Variants in CRYZ observed in about 807,000 individuals in gnomAD.
The protein encoded by CRYZ is zeta-crystallin.
Under a neutral mutation model 34.1 loss-of-function variants are expected in CRYZ, and 35 were observed. The observed-to-expected ratio is 1.03, with a 90% CI of 0.78 to 1.36. The LOEUF (loss-of-function observed/expected upper bound fraction) is 1.36. CRYZ is among the 40% of genes most tolerant of loss of function. CRYZ has a pLI of 0.00. For synonymous variants in CRYZ, 137 were observed against 136.5 expected (o/e 1.00, Z -0.03); for missense variants, 403 against 391.8 (o/e 1.03, Z -0.24).
At position 74,719,316 on chromosome 1, in the gene CRYZ, A is replaced by G; in HGVS notation, c.321T>C (p.Ala107=). The change falls in exon 4 of 9, where the codon GCT becomes GCC. Residue 107 remains alanine, a synonymous_variant. Coordinates refer to ENST00000340866, the MANE Select transcript of CRYZ (RefSeq NM_001889.4). The stretch of plus-strand genomic sequence containing the variant: ...TGTAAACAGTGTGGTCTGCTGCAAG[A>G]GCATACTCTGCATAACCCCCAGAGA... ...STISGGYAEY[A]LAADHTVYKL... The G allele has an allele frequency of 6.2e-7, 1 of 1,613,850 alleles. No individual in the cohort carries two copies. The highest frequency in any genetic ancestry group is 8.5e-7 in the Non-Finnish European group (1 of 1,179,768).
chr1:74,718,907 T>A (rs1032491316), intron 4 of CRYZ, among the ~76,000 whole-genome samples: 2 of 152,084 alleles, frequency 1.3e-5, no homozygotes, highest in Admixed American at 1.3e-4. Context: ...GCCTTCTGAG[T>A]CTATATATCC....
At chr1:74,727,642 C>CT (rs1647438219) in intron 1 of CRYZ, among the ~76,000 whole-genome samples, 1 of 52,194 alleles carries the variant, frequency 1.9e-5, no homozygotes. Context: ...GAGACTCTGT[C>CT]TCAAAAAAAA....
At chr1:74,726,747 T>G (rs1318590118) in intron 1 of CRYZ, among the ~76,000 whole-genome samples, 1 of 152,212 alleles carries the variant, frequency 6.6e-6, no homozygotes, top group African/African-American at 2.4e-5. Context: ...TCTGCTTTCC[T>G]TTTAAACATA....
intron 1 of CRYZ, among the ~76,000 whole-genome samples, chr1:74,731,154 T>C (rs1259736938): frequency 6.6e-6 from 1 of 152,208 alleles, no homozygotes; most frequent in Non-Finnish European, 1.5e-5. Flanking sequence ...CTCTGAAAGG[T>C]TGCCAATATG....
chr1:74,717,623 G>A (rs1647095850), intron 4 of CRYZ, among the ~76,000 whole-genome samples: 1 of 152,158 alleles, frequency 6.6e-6, no homozygotes, highest in Admixed American at 6.6e-5. Context: ...CTAGCAGGTA[G>A]GTGCTGTCAT....
In CRYZ at chr1:74,719,378, G is replaced by T. The variant is rs1647124053; in HGVS notation, c.265-6C>A. On this transcript the variant is annotated splice_region_variant and splice_polypyrimidine_tract_variant and intron_variant, in intron 3 of 8. Coordinates refer to ENST00000340866, the MANE Select transcript of CRYZ (RefSeq NM_001889.4). The stretch of plus-strand genomic sequence containing the variant: ...GTGAAAACTCTGTCACCTTTCTAGG[G>T]GAAGAGATAAATGAATAAATGCAGG... The T allele has an allele frequency of 6.2e-7, 1 of 1,603,610 alleles. No homozygotes were observed. The highest frequency in any genetic ancestry group is 1.3e-5 in the African/African-American group (1 of 74,620).
At chr1:74,724,958 C>T in intron 1 of CRYZ, 124 bp from the exon 2 acceptor site, 1 of 575,544 alleles carries the variant, frequency 1.7e-6, no homozygotes, top group Non-Finnish European at 3.1e-6. Flanking sequence ...GAGCTTACCA[C>T]TGATCTCATT....
rs1647940494 is a variant in CRYZ, at chr1:74,733,050, C to G, written c.-108G>C. The G allele has an allele frequency of 1.5e-5, 11 of 736,642 alleles. No individual in the cohort carries two copies. In the East Asian group the frequency reaches 3.1e-4, roughly 21 times the overall value. 45.6% of individuals were successfully genotyped at this position (736,642 alleles called of 1,614,324 possible). ...CCTTCTCCAACTTTTGCAGGCTCCA[C>G]CCAGGATGTGCGCCTCGCTCCACCC... is the stretch of plus-strand genomic sequence containing the variant. On this transcript the variant is annotated 5_prime_UTR_variant, in exon 1 of 9. Coordinates refer to ENST00000340866, the MANE Select transcript of CRYZ (RefSeq NM_001889.4).
chr1:74,726,500 G>A (rs371338599), intron 1 of CRYZ, among the ~76,000 whole-genome samples: 29 of 152,260 alleles, frequency 1.9e-4, no homozygotes, highest in African/African-American at 7.0e-4. Context: ...GAGGCCCTGG[G>A]CCCGGCCCAG....
At position 74,723,065 on chromosome 1, in the gene CRYZ, A is replaced by G. The variant is rs1442073953; in HGVS notation, c.264+53T>C. On this transcript the variant is annotated intron_variant, in intron 3 of 8. Coordinates refer to ENST00000340866, the MANE Select transcript of CRYZ (RefSeq NM_001889.4). ...AGATGCAGTTGAAAGCTATGTTCAA[A>G]TATTTTTATGAAATAAATTCAGCCA... 6 of 1,563,388 alleles carry G rather than the reference A, an allele frequency of 3.8e-6. No individual in the cohort carries two copies. The Admixed American group carries it at 8.9e-5, about 23-fold the overall frequency.
At chr1:74,721,030 C>A (rs1002809177) in intron 3 of CRYZ, among the ~76,000 whole-genome samples, 3 of 151,996 alleles carry the variant, frequency 2.0e-5, no homozygotes, top group Non-Finnish European at 2.9e-5. Flanking sequence ...TCTTGAAGAA[C>A]AGGACAAGAT....
chr1:74,708,941 G>A (rs969219721), intron 6 of CRYZ: 2 of 152,084 alleles, frequency 1.3e-5, no homozygotes, highest in African/African-American at 4.8e-5. Flanking sequence ...AAAGAAATGT[G>A]GTCAGGGTCA....
Position 74,706,150 on chromosome 1 carries a change from T to A in CRYZ, c.*146A>T, listed in dbSNP as rs1322688103. The A allele has an allele frequency of 1.6e-6, 1 of 632,034 alleles. No individual in the cohort carries two copies. The highest frequency in any genetic ancestry group is 2.6e-6 in the Non-Finnish European group (1 of 390,670). The allele number at this position is 632,034 out of a possible 1,614,324, so 39.2% of individuals were successfully genotyped here. On this transcript the variant is annotated 3_prime_UTR_variant, in exon 9 of 9. Coordinates refer to ENST00000340866, the MANE Select transcript of CRYZ (RefSeq NM_001889.4). ...AGCTATACAATAAATTTTACTCTTCTGCTTCTGCTCTCTAAAGAAAAATCT... is the reference window on the plus strand; with the variant it reads ...AGCTATACAATAAATTTTACTCTTCAGCTTCTGCTCTCTAAAGAAAAATCT...
chr1:74,728,943 G>C (rs1187694662), intron 1 of CRYZ, among the ~76,000 whole-genome samples: 1 of 152,056 alleles, frequency 6.6e-6, no homozygotes, highest in Admixed American at 6.5e-5. Context: ...TCTGTCAGAG[G>C]GCAGGGCTGG....
At chr1:74,718,289 C>T (rs925070869) in intron 4 of CRYZ, among the ~76,000 whole-genome samples, 4 of 152,070 alleles carry the variant, frequency 2.6e-5, no homozygotes, top group Admixed American at 2.0e-4. Flanking sequence ...CTAGTGGAGA[C>T]TCCTATAAGA....
intron 2 of CRYZ, 102 bp downstream of exon 2, chr1:74,724,609 A>G (rs1647241354): frequency 1.4e-6 from 1 of 727,068 alleles, no homozygotes; most frequent in Non-Finnish European, 2.3e-6. Flanking sequence ...TCCTAATTCA[A>G]TGTTTTTAAA....
chr1:74,732,606 G>T lies in CRYZ; in HGVS notation c.-14+350C>A, dbSNP rs1329369366. Among the ~76,000 whole-genome samples, 25 of 80,806 alleles carry T rather than the reference G, an allele frequency of 3.1e-4. 1 individual carries two copies. Among genetic ancestry groups the T allele is most frequent in the African/African-American group, 1.2e-3 (23 of 18,652 alleles). 53.0% of individuals were successfully genotyped at this position (80,806 alleles called of 152,430 possible). A position where few individuals can be genotyped will look rare whatever the true frequency, so the allele number is the denominator to read the frequency against. On this transcript the variant is annotated intron_variant, in intron 1 of 8. Transcript: ENST00000340866. ...TCAAGCGGGTGACTGGCGGGGGGGG[G>T]GGGGGGGGGTGCAGCGTGGGGCTGG...
intron 3 of CRYZ, 36 bp downstream of exon 3, chr1:74,723,082 A>G (rs1450663910): frequency 1.3e-6 from 2 of 1,594,044 alleles, no homozygotes; most frequent in Admixed American, 3.6e-5. Context: ...TATGAAATAA[A>G]TTCAGCCAAA....
At chr1:74,718,453 G>A (rs1647106207) in intron 4 of CRYZ, among the ~76,000 whole-genome samples, 1 of 152,098 alleles carries the variant, frequency 6.6e-6, no homozygotes, top group Admixed American at 6.6e-5. Flanking sequence ...TCTATAATCT[G>A]TCTTTTACAA....
Sources: allele counts gnomAD v4.1 joint callset (sites outside exome capture counted in the v4.1 genomes callset), GRCh38; gene constraint gnomAD v4.1.1; transcripts MANE v1.5; gene names NCBI Gene and HGNC (gene_info 2026-07-23, HGNC 2026-07-21).